WNT2: variants seen among roughly 807,000 people sequenced by gnomAD.
WNT2 encodes the protein Wnt family member 2, also known as protein Wnt-2.
A neutral mutation model predicts 36.9 loss-of-function variants in WNT2; 12 were observed. The ratio of observed to expected loss-of-function variants is 0.33; its 90% CI spans 0.21 to 0.53. The LOEUF (loss-of-function observed/expected upper bound fraction) is 0.53. WNT2 is among the 20% of genes least tolerant of loss of function. The pLI is 0.95. For missense variants in WNT2, 379 were observed against 473.1 expected (o/e 0.80, Z 1.84); for synonymous variants, 163 against 174.6 (o/e 0.93, Z 0.52).
intron 4 of WNT2, among the ~76,000 whole-genome samples, chr7:117,280,318 AT>A (rs1794459154): frequency 1.3e-5 from 2 of 152,178 alleles, no homozygotes; most frequent in African/African-American, 4.8e-5. Flanking sequence ...TCACTGCCAA[AT>A]GCTGCCTCTT....
intron 4 of WNT2, among the ~76,000 whole-genome samples, chr7:117,287,924 G>C (rs2116335727): frequency 6.6e-6 from 1 of 152,212 alleles, no homozygotes; most frequent in East Asian, 1.9e-4. Context: ...GAAGGCAGAG[G>C]TTGCAGTGAG....
intron 1 of WNT2, 80 bp from the exon 2 acceptor site, chr7:117,320,873 G>T: frequency 1.7e-6 from 2 of 1,209,526 alleles, no homozygotes; most frequent in Non-Finnish European, 2.4e-6. Context: ...AGACTAAGGA[G>T]TTCAAAGCAC....
chr7:117,297,420 T>C (rs890413709), intron 4 of WNT2, among the ~76,000 whole-genome samples, 192 bp downstream of exon 4: 1 of 152,082 alleles, frequency 6.6e-6, no homozygotes, highest in African/African-American at 2.4e-5. Flanking sequence ...TCTGCCCATT[T>C]CGGCCTCCCA....
At chr7:117,314,136 T>A (rs1011614559) in intron 3 of WNT2, among the ~76,000 whole-genome samples, 17 of 152,222 alleles carry the variant, frequency 1.1e-4, no homozygotes, top group Non-Finnish European at 2.9e-5. Flanking sequence ...CGTTACCTCT[T>A]CCTATTGGCA....
At position 117,322,615 on chromosome 7, in the gene WNT2, A is replaced by G. The variant is rs572520045; in HGVS notation, c.83+292T>C. The stretch of plus-strand genomic sequence containing the variant: ...AGACCAGGCTAGCACGTCTCTCAAC[A>G]GGATAAGAAATTGGCTGATTTTGCT... On this transcript the variant is annotated intron_variant, in intron 1 of 4. Transcript: ENST00000265441. The surrounding 1 kb of genome is among the most constrained non-coding windows in gnomAD (Gnocchi z 5.4). Among the ~76,000 whole-genome samples, 5 of 152,042 alleles carry G rather than the reference A, an allele frequency of 3.3e-5. No individual in the cohort carries two copies. Among genetic ancestry groups the G allele is most frequent in the Admixed American group, 2.6e-4 (4 of 15,290 alleles).
chr7:117,292,372 T>A (rs1482111172), intron 4 of WNT2, among the ~76,000 whole-genome samples: 1 of 152,184 alleles, frequency 6.6e-6, no homozygotes, highest in African/African-American at 2.4e-5. Context: ...TTATTTTTTT[T>A]ATTCTCACAG....
intron 2 of WNT2, among the ~76,000 whole-genome samples, chr7:117,320,241 G>C (rs1795297453): frequency 6.6e-6 from 1 of 152,224 alleles, no homozygotes; most frequent in Non-Finnish European, 1.5e-5. Flanking sequence ...AAAGTCAAAA[G>C]AGACTTGTGG....
intron 4 of WNT2, among the ~76,000 whole-genome samples, chr7:117,294,805 C>G (rs771884236): frequency 2.0e-5 from 3 of 152,104 alleles, no homozygotes; most frequent in Non-Finnish European, 4.4e-5. Context: ...GAAAAGACAG[C>G]CACAGCCAGG....
intron 1 of WNT2, among the ~76,000 whole-genome samples, chr7:117,321,523 C>A (rs1795325549): frequency 6.6e-6 from 1 of 152,210 alleles, no homozygotes; most frequent in African/African-American, 2.4e-5. Context: ...ATCATCTCTA[C>A]CCAGATGTTC....
At chr7:117,279,426 T>G (rs752649894) in intron 4 of WNT2, among the ~76,000 whole-genome samples, 2 of 152,224 alleles carry the variant, frequency 1.3e-5, no homozygotes, top group African/African-American at 2.4e-5. Context: ...GGCAATCAAC[T>G]GACTTGTGCT....
At chr7:117,289,699 A>C (rs909260198) in intron 4 of WNT2, among the ~76,000 whole-genome samples, 1 of 152,252 alleles carries the variant, frequency 6.6e-6, no homozygotes, top group African/African-American at 2.4e-5. Flanking sequence ...ACTAGTGAGC[A>C]AGGCAGATAC....
At chr7:117,293,112 A>G (rs1387591317) in intron 4 of WNT2, among the ~76,000 whole-genome samples, 2 of 152,172 alleles carry the variant, frequency 1.3e-5, no homozygotes, top group Non-Finnish European at 2.9e-5. Context: ...GCAATAAAAA[A>G]AAAATTAAAA....
chr7:117,304,975 G>A (rs527724865), intron 3 of WNT2, among the ~76,000 whole-genome samples: 2 of 152,088 alleles, frequency 1.3e-5, no homozygotes, highest in Admixed American at 1.3e-4. Context: ...TTGTGTGCCT[G>A]GGTTCTTTCT....
intron 3 of WNT2, chr7:117,301,104 C>T (rs1469909197): frequency 6.6e-6 from 1 of 152,118 alleles, no homozygotes; most frequent in Non-Finnish European, 1.5e-5. Flanking sequence ...TCAACAGGTA[C>T]CATGGTCACT....
intron 3 of WNT2, among the ~76,000 whole-genome samples, chr7:117,303,065 C>T (rs1381080440): frequency 5.9e-5 from 9 of 152,144 alleles, no homozygotes. Context: ...CATTTCCAGC[C>T]TCTCCCCAGA....
At chr7:117,282,422 A>G (rs1176559686) in intron 4 of WNT2, among the ~76,000 whole-genome samples, 2 of 151,302 alleles carry the variant, frequency 1.3e-5, no homozygotes, top group Non-Finnish European at 2.9e-5. Context: ...GACAAGGAGG[A>G]GGAAGAGAAG....
chr7:117,310,358 A>G (rs964441584), intron 3 of WNT2, among the ~76,000 whole-genome samples: 2 of 152,104 alleles, frequency 1.3e-5, no homozygotes, highest in Non-Finnish European at 2.9e-5. Context: ...TGAGCCCAGG[A>G]GTTCAAGACC....
rs148755176 is a variant in WNT2, at chr7:117,306,039, C to T, written c.589-8163G>A. Among the ~76,000 whole-genome samples the T allele has an allele frequency of 2.0e-5, 3 of 152,298 alleles. No homozygotes were observed. In the East Asian group the frequency reaches 5.8e-4, roughly 29 times the overall value. On this transcript the variant is annotated intron_variant, in intron 3 of 4. Coordinates refer to ENST00000265441, the MANE Select transcript of WNT2 (RefSeq NM_003391.3). ...TCTGAGGCATTCTCAGGGCTTCTTC[C>T]CTCCCATGTTGGCAGTTGCCCCATT... is the stretch of plus-strand genomic sequence containing the variant.
At chr7:117,298,493 G>A (rs1364139596) in intron 3 of WNT2, among the ~76,000 whole-genome samples, 2 of 152,190 alleles carry the variant, frequency 1.3e-5, no homozygotes, top group Non-Finnish European at 2.9e-5. Flanking sequence ...TAGTGACCCT[G>A]AGGCTGACAG....
Sources: gnomAD v4.1 joint callset for allele counts (sites outside exome capture counted in the v4.1 genomes callset) on GRCh38, gnomAD v4.1.1 for gene constraint, Gnocchi (gnomAD v3.1) non-coding constraint, MANE v1.5 for transcripts, NCBI Gene and HGNC (gene_info 2026-07-23, HGNC 2026-07-21) for gene names.